CCDC178: variants seen among roughly 807,000 people sequenced by gnomAD.
CCDC178 encodes the protein coiled-coil domain-containing protein 178.
CCDC178 carries 126 observed loss-of-function variants against 117.4 expected under a neutral mutation model. That is an observed-to-expected ratio of 1.07 (90% confidence interval 0.93 to 1.24). The LOEUF is 1.24. CCDC178 is among the 50% of genes most tolerant of loss of function. The probability of loss-of-function intolerance (pLI) is 0.00; values close to 1 mark genes in which losing one functional copy is unlikely to be tolerated. For synonymous variants in CCDC178, 283 were observed against 313.4 expected, an observed-to-expected ratio of 0.90 and a Z score of 1.02; for missense variants, 1,030 against 986.9, an observed-to-expected ratio of 1.04 and a Z score of -0.59.
chr18:33,331,026 C>CTTTTTTTTTTTTTTTT lies in CCDC178; in HGVS notation c.879+2132_879+2147dup. 6.0e-3 allele frequency among the ~76,000 whole-genome samples: 271 copies of CTTTTTTTTTTTTTTTT among 45,048 alleles called. 61 individuals carry two copies. Among genetic ancestry groups the CTTTTTTTTTTTTTTTT allele is most frequent in the African/African-American group, 0.022 (170 of 7,848 alleles). The allele number at this position is 45,048 out of a possible 152,430, so 29.6% of individuals were successfully genotyped here. The stretch of plus-strand genomic sequence containing the variant: ...CCTGATAAGCTTTACACAAACATTG[C>CTTTTTTTTTTTTTTTT]TTTTTTTTTTTTTTTTTTTTTTTTT... On this transcript the variant is annotated intron_variant, in intron 10 of 22. Transcript: ENST00000383096.
At chr18:33,084,797 C>G (rs980752907) in intron 21 of CCDC178, among the ~76,000 whole-genome samples, 2 of 147,802 alleles carry the variant, frequency 1.4e-5, no homozygotes, top group Admixed American at 1.4e-4. Flanking sequence ...GGCAACAGTG[C>G]GAGGCCCCGT....
Position 33,293,250 on chromosome 18 carries a change from T to A in CCDC178, c.1085A>T (p.Asn362Ile). Residue 362 changes from asparagine (N) to isoleucine (I), a missense_variant, in exon 12 of 23, where the codon AAT becomes ATT. By Grantham distance (149) the Asn-to-Ile change is moderately radical (BLOSUM62 -3). Transcript: ENST00000383096. Reference protein sequence around the residue: ...DHYSSSVINVNTNIEEKEEEV... With the variant: ...DHYSSSVINVITNIEEKEEEV... ...CTCTTCCTTCTCCTCAATATTAGTA[T>A]TAACATTTATCACTGATGAAGAGTA... The A allele has an allele frequency of 6.4e-7, 1 of 1,555,170 alleles. No individual in the cohort carries two copies. The highest frequency in any genetic ancestry group is 8.9e-7 in the Non-Finnish European group (1 of 1,128,818).
chr18:33,223,443 A>G (rs1042595731), intron 17 of CCDC178, among the ~76,000 whole-genome samples: 2 of 152,294 alleles, frequency 1.3e-5, no homozygotes, highest in African/African-American at 2.4e-5. Context: ...AATTTTAGTT[A>G]AGTAACAAAA....
intron 2 of CCDC178, among the ~76,000 whole-genome samples, chr18:33,438,918 T>C (rs1265372387): frequency 1.3e-5 from 2 of 152,138 alleles, no homozygotes; most frequent in Admixed American, 1.3e-4. Context: ...TAGACAAATA[T>C]GGATTTTCCC....
Position 33,126,208 on chromosome 18 carries a change from C to G in CCDC178, c.2239-33298G>C, listed in dbSNP as rs1247511950. ...ATGGATGGATTTCAAATAGTGATGA[C>G]AGGAAATCAGAATATTTATATATAC... On this transcript the variant is annotated intron_variant, in intron 20 of 22. Coordinates refer to ENST00000383096, the MANE Select transcript of CCDC178 (RefSeq NM_001105528.4). 2.0e-5 allele frequency among the ~76,000 whole-genome samples: 3 copies of G among 151,440 alleles called. No homozygotes were observed. In the East Asian group the frequency reaches 5.8e-4, roughly 29 times the overall value.
intron 10 of CCDC178, among the ~76,000 whole-genome samples, chr18:33,330,404 C>G (rs1042390250): frequency 3.9e-5 from 6 of 152,094 alleles, no homozygotes; most frequent in African/African-American, 1.4e-4. Flanking sequence ...GTTTATGGCT[C>G]ACGCTACAGA....
chr18:32,979,287 C>T (rs772420232), intron 21 of CCDC178, among the ~76,000 whole-genome samples: 4 of 151,870 alleles, frequency 2.6e-5, no homozygotes, highest in Non-Finnish European at 5.9e-5. Flanking sequence ...TCCCGAGTAG[C>T]TGGGATTACA....
intron 14 of CCDC178, among the ~76,000 whole-genome samples, chr18:33,265,466 A>C (rs2059801426): frequency 6.6e-6 from 1 of 152,086 alleles, no homozygotes; most frequent in Non-Finnish European, 1.5e-5. Flanking sequence ...CAGGATAGTC[A>C]GCTGTAATCT....
At chr18:33,414,194 T>C (rs970083226) in intron 2 of CCDC178, among the ~76,000 whole-genome samples, 5 of 152,170 alleles carry the variant, frequency 3.3e-5, no homozygotes, top group African/African-American at 7.2e-5. Context: ...AAAATTAATA[T>C]TGTCGATTTG....
At chr18:33,184,785 T>C (rs2058771375) in intron 20 of CCDC178, among the ~76,000 whole-genome samples, 1 of 152,030 alleles carries the variant, frequency 6.6e-6, no homozygotes, top group Non-Finnish European at 1.5e-5. Context: ...TAAAAAATGA[T>C]GGGAAAATGT....
At chr18:33,416,231 T>C (rs966067433) in intron 2 of CCDC178, among the ~76,000 whole-genome samples, 3 of 151,832 alleles carry the variant, frequency 2.0e-5, no homozygotes, top group Non-Finnish European at 4.4e-5. Context: ...TTCGAAACCA[T>C]CCTGACTGAC....
chr18:33,301,322 A>G (rs1474610687), intron 11 of CCDC178, among the ~76,000 whole-genome samples: 1 of 152,226 alleles, frequency 6.6e-6, no homozygotes, highest in East Asian at 1.9e-4. Context: ...CCCAGGCAGA[A>G]GCCTGACCCA....
intron 21 of CCDC178, among the ~76,000 whole-genome samples, chr18:33,011,776 A>T (rs1392763205): frequency 0.011 from 1,167 of 101,652 alleles, 15 homozygotes; most frequent in East Asian, 0.035. Flanking sequence ...GCAAAAAAAA[A>T]AAAAAAAAAA....
chr18:32,963,117 C>A (rs765645090), intron 22 of CCDC178, among the ~76,000 whole-genome samples: 10 of 152,008 alleles, frequency 6.6e-5, no homozygotes, highest in Admixed American at 6.6e-4. Flanking sequence ...TACCTCACAG[C>A]CAAATTGCCT....
intron 22 of CCDC178, among the ~76,000 whole-genome samples, chr18:32,964,801 G>C (rs896421468): frequency 6.6e-6 from 1 of 151,956 alleles, no homozygotes; most frequent in Non-Finnish European, 1.5e-5. Flanking sequence ...CATAGAAAGA[G>C]AGATTTTTTA....
At chr18:33,043,703 A>G (rs1205187208) in intron 21 of CCDC178, among the ~76,000 whole-genome samples, 1 of 152,022 alleles carries the variant, frequency 6.6e-6, no homozygotes, top group Non-Finnish European at 1.5e-5. Flanking sequence ...CTTCCAGAAA[A>G]GGGGCCTGAG....
At chr18:33,254,261 C>T (rs2059652357) in intron 14 of CCDC178, among the ~76,000 whole-genome samples, 1 of 144,524 alleles carries the variant, frequency 6.9e-6, no homozygotes, top group South Asian at 2.1e-4. Flanking sequence ...AACACACACA[C>T]ACACACACAC....
In CCDC178 at chr18:32,950,238, C is replaced by T. The variant is rs147043449; in HGVS notation, c.2524-12147G>A. 2.2e-3 allele frequency among the ~76,000 whole-genome samples: 339 copies of T among 152,168 alleles called. 2 individuals are homozygous for T. Among genetic ancestry groups the T allele is most frequent in the African/African-American group, 7.5e-3 (311 of 41,544 alleles). Reference sequence around the variant, plus strand: ...ACTGTGTCTTGTAAATCCTAGCTGCCTTATTCTCCTTGAACCCTTAGCTCC... The same window carrying T: ...ACTGTGTCTTGTAAATCCTAGCTGCTTTATTCTCCTTGAACCCTTAGCTCC... On this transcript the variant is annotated intron_variant, in intron 22 of 22. Coordinates refer to ENST00000383096, the MANE Select transcript of CCDC178 (RefSeq NM_001105528.4).
chr18:33,371,903 T>C (rs575191746), intron 5 of CCDC178, among the ~76,000 whole-genome samples: 1 of 152,034 alleles, frequency 6.6e-6, no homozygotes, highest in Admixed American at 6.6e-5. Flanking sequence ...TAAGGGCATG[T>C]TGGCCCTCCC....
Sources: allele counts gnomAD v4.1 joint callset (sites outside exome capture counted in the v4.1 genomes callset), GRCh38; gene constraint gnomAD v4.1.1; transcripts MANE v1.5; gene names NCBI Gene and HGNC (gene_info 2026-07-23, HGNC 2026-07-21).